The following GZMA variants were observed in gnomAD, a reference collection of about 807,000 sequenced individuals.
The protein encoded by GZMA is CTL tryptase.
In GZMA, 17 loss-of-function variants were observed where a neutral mutation model predicts 21.1. That is an observed-to-expected ratio of 0.81 (90% CI 0.55 to 1.21). The LOEUF (loss-of-function observed/expected upper bound fraction) is 1.21, where lower values mean the gene tolerates loss of function less well. Ranked by LOEUF, GZMA falls within the 50% of genes most tolerant of loss-of-function variation. The pLI, the probability that GZMA is intolerant of heterozygous loss-of-function variation, is 0.00. For synonymous variants in GZMA, 90 were observed against 107.8 expected, an observed-to-expected ratio of 0.83 and a Z score of 1.03; for missense variants, 306 against 315.9, an observed-to-expected ratio of 0.97 and a Z score of 0.24.
intron 2 of GZMA, 80 bp downstream of exon 2, chr5:55,105,698 C>T: frequency 7.9e-7 from 1 of 1,269,414 alleles, no homozygotes. Flanking sequence ...GTAGGCCGGG[C>T]ACAGTGGCTT....
chr5:55,106,472 G>A (rs1742420705), intron 2 of GZMA, among the ~76,000 whole-genome samples: 1 of 152,148 alleles, frequency 6.6e-6, no homozygotes, highest in Non-Finnish European at 1.5e-5. Context: ...ATCAGGCAAT[G>A]AGGAAGCAGC....
chr5:55,104,217 C>T (rs1742348521), intron 1 of GZMA, among the ~76,000 whole-genome samples: 1 of 152,198 alleles, frequency 6.6e-6, no homozygotes, highest in Admixed American at 6.5e-5. Context: ...TGCTGTGCTC[C>T]TCTTTGTTTC....
At chr5:55,103,007 T>G (rs1353158724) in intron 1 of GZMA, among the ~76,000 whole-genome samples, 1 of 151,720 alleles carries the variant, frequency 6.6e-6, no homozygotes, top group Admixed American at 6.6e-5. Context: ...ATTTTTTTTT[T>G]TTAAATAGCA....
chr5:55,108,389 T>C lies in GZMA; in HGVS notation c.622T>C (p.Cys208Arg). ...AAGCCTCCGAGGTGGAAGAGACTCGTGCAATGTAAGTAAAATAAGATCCCA... is the reference window on the plus strand; with the variant it reads ...AAGCCTCCGAGGTGGAAGAGACTCGCGCAATGTAAGTAAAATAAGATCCCA... Reference protein sequence around the residue: ...AGSLRGGRDSCNGDSGSPLLC... With the variant: ...AGSLRGGRDSRNGDSGSPLLC... The change falls in exon 4 of 5, where the codon TGC becomes CGC. Residue 208 changes from cysteine (C) to arginine (R), a missense_variant. Cys to Arg is a radical substitution (Grantham distance 180). Coordinates refer to ENST00000274306, the MANE Select transcript of GZMA (RefSeq NM_006144.4). 1 of 1,608,876 alleles carries C rather than the reference T, an allele frequency of 6.2e-7. No individual in the cohort carries two copies. The highest frequency in any genetic ancestry group is 1.7e-4 in the Middle Eastern group (1 of 6,034).
rs150441571 is a variant in GZMA at position 55,107,909 on chromosome 5, C to A, written c.331C>A (p.Arg111Ser). ...CTATCCATGCTATGACCCAGCCACA[C>A]GCGAAGGTGACCTTAAACTTTTACA... The part of the protein sequence containing the change: ...FPYPCYDPAT[R>S]EGDLKLLQLM... Residue 111 changes from arginine to serine, a missense_variant, in exon 3 of 5, where the codon CGC (arginine) becomes AGC (serine). By Grantham distance (110) the Arg-to-Ser change is moderately radical. Transcript: ENST00000274306. 1.2e-6 allele frequency: 2 copies of A among 1,612,942 alleles called. No individual in the cohort carries two copies. The highest frequency in any genetic ancestry group is 1.1e-5 in the South Asian group (1 of 91,062).
intron 2 of GZMA, among the ~76,000 whole-genome samples, chr5:55,106,391 T>C (rs1742418210): frequency 6.6e-6 from 1 of 151,830 alleles, no homozygotes; most frequent in Non-Finnish European, 1.5e-5. Flanking sequence ...CATATGTATC[T>C]TCACATCGCT....
intron 4 of GZMA, 146 bp downstream of exon 4, chr5:55,108,540 A>G (rs1742453353): frequency 1.9e-5 from 12 of 626,858 alleles, no homozygotes; most frequent in Non-Finnish European, 3.2e-5. Flanking sequence ...ACCCCAGTCA[A>G]ATAAATGAAT....
intron 1 of GZMA, among the ~76,000 whole-genome samples, chr5:55,104,205 C>A (rs1561278975): frequency 6.6e-6 from 1 of 152,116 alleles, no homozygotes; most frequent in Admixed American, 6.6e-5. Context: ...ACAAAAGCAA[C>A]CTGCTGTGCT....
chr5:55,105,400 T>C, intron 1 of GZMA, 74 bp from the exon 2 acceptor site: 1 of 1,326,602 alleles, frequency 7.5e-7, no homozygotes, highest in Non-Finnish European at 1.0e-6. Context: ...GCATGGCTGG[T>C]CTTAGAAACA....
intron 2 of GZMA, 138 bp downstream of exon 2, chr5:55,105,756 T>C: frequency 1.4e-6 from 1 of 703,312 alleles, no homozygotes; most frequent in South Asian, 1.6e-5. Context: ...GTGGATCACA[T>C]GAGGTCAGGA....
Position 55,108,231 on chromosome 5 carries a change from G to A in GZMA, c.464G>A (p.Arg155Lys). ...GTMCQVAGWG[R>K]THNSASWSDT... ...ATGTGCCAAGTTGCAGGGTGGGGCAGGACTCACAATAGTGCATCTTGGTCC... is the reference window on the plus strand; with the variant it reads ...ATGTGCCAAGTTGCAGGGTGGGGCAAGACTCACAATAGTGCATCTTGGTCC... The change falls in exon 4 of 5, where the codon AGG becomes AAG. Residue 155 changes from arginine (R) to lysine (K), a missense_variant. Coordinates refer to ENST00000274306, the MANE Select transcript of GZMA (RefSeq NM_006144.4). 6.2e-7 allele frequency: 1 copy of A among 1,613,788 alleles called. No individual in the cohort carries two copies. The highest frequency in any genetic ancestry group is 8.5e-7 in the Non-Finnish European group (1 of 1,179,768).
rs57267991 is a variant in GZMA at position 55,104,004 on chromosome 5, CA to C, written c.70+1262del. Among the ~76,000 whole-genome samples, 916 of 125,680 alleles carry C rather than the reference CA, an allele frequency of 7.3e-3. 10 individuals are homozygous for C. Among genetic ancestry groups the C allele is most frequent in the African/African-American group, 0.026 (861 of 33,726 alleles). The allele number at this position is 125,680 out of a possible 152,430, so 82.5% of individuals were successfully genotyped here. A position where few individuals can be genotyped will look rare whatever the true frequency, so the allele number is the denominator to read the frequency against. The stretch of plus-strand genomic sequence containing the variant: ...CTGGTGACAGAGCGAGACTCTGTCT[CA>C]AAAAAAAAACAAAAAAGAGAGAGAG... On this transcript the variant is annotated intron_variant, in intron 1 of 4. Coordinates refer to ENST00000274306, the MANE Select transcript of GZMA (RefSeq NM_006144.4).
chr5:55,108,103 C>T lies in GZMA; in HGVS notation c.358-22C>T, dbSNP rs1454100435. ...AAATATTTATCTTATCCCATTAACA[C>T]TTTATGTTTTTCTTCCAACAGCTGA... On this transcript the variant is annotated intron_variant, in intron 3 of 4. Coordinates refer to ENST00000274306, the MANE Select transcript of GZMA (RefSeq NM_006144.4). 5.2e-6 allele frequency: 8 copies of T among 1,549,090 alleles called. No individual in the cohort carries two copies. The African/African-American group carries it at 6.8e-5, about 13-fold the overall frequency.
At chr5:55,103,378 G>A (rs761016678) in intron 1 of GZMA, among the ~76,000 whole-genome samples, 9 of 152,320 alleles carry the variant, frequency 5.9e-5, no homozygotes, top group Middle Eastern at 3.4e-3. Flanking sequence ...AAATTAAGGC[G>A]TGAGGCCAGT....
intron 3 of GZMA, 47 bp downstream of exon 3, chr5:55,107,982 A>G (rs543098587): frequency 3.2e-6 from 5 of 1,559,874 alleles, no homozygotes; most frequent in East Asian, 2.2e-5. Flanking sequence ...ACCTTCTACA[A>G]TCTGGCCGCC....
chr5:55,106,133 TAA>T (rs57242387), intron 2 of GZMA, among the ~76,000 whole-genome samples: 1 of 1,026 alleles, frequency 9.7e-4, no homozygotes, highest in African/African-American at 3.4e-3. Context: ...TAAAATAAAA[TAA>T]ATAAAATAAA....
intron 2 of GZMA, among the ~76,000 whole-genome samples, chr5:55,107,062 C>T (rs3111196): frequency 0.97 from 148,251 of 152,306 alleles, 72,182 homozygotes; most frequent in East Asian, 1. Context: ...ATACATGTGA[C>T]CATTTAAGTG....
In GZMA at chr5:55,107,872, G is replaced by C. The variant is rs1188761422; in HGVS notation, c.294G>C (p.Lys98Asn). 1.9e-6 allele frequency: 3 copies of C among 1,613,144 alleles called. No individual in the cohort carries two copies. The highest frequency in any genetic ancestry group is 1.7e-5 in the Admixed American group (1 of 60,016). Residue 98 changes from lysine to asparagine, a missense_variant, in exon 3 of 5, where the codon AAG becomes AAC. Physicochemically the swap from Lys to Asn is moderately conservative, Grantham distance 94. Transcript: ENST00000274306. ...EEPTKQIMLV[K>N]KEFPYPCYDP... is the part of the protein sequence containing the mutation. ...CAACAAAACAGATAATGCTTGTTAA[G>C]AAAGAGTTTCCCTATCCATGCTATG... is the stretch of plus-strand genomic sequence containing the variant.
Position 55,110,048 on chromosome 5 carries a change from G to A in GZMA, c.655G>A (p.Glu219Lys), listed in dbSNP as rs141571360. The change falls in exon 5 of 5, where the codon GAG (glutamate) becomes AAG (lysine). Residue 219 changes from glutamate to lysine, a missense_variant. Coordinates refer to ENST00000274306, the MANE Select transcript of GZMA (RefSeq NM_006144.4). Reference sequence around the variant, plus strand: ...AGATTCTGGAAGCCCTTTGTTGTGCGAGGGTGTTTTCCGAGGGGTCACTTC... The same window carrying A: ...AGATTCTGGAAGCCCTTTGTTGTGCAAGGGTGTTTTCCGAGGGGTCACTTC... ...NGDSGSPLLC[E>K]GVFRGVTSFG... is the part of the protein sequence containing the mutation. 3.4e-5 allele frequency: 54 copies of A among 1,611,406 alleles called. No individual in the cohort carries two copies. The highest frequency in any genetic ancestry group is 4.0e-5 in the African/African-American group (3 of 74,706).
Sources: allele counts gnomAD v4.1 joint callset (sites outside exome capture counted in the v4.1 genomes callset), GRCh38; gene constraint gnomAD v4.1.1; transcripts MANE v1.5; gene names NCBI Gene and HGNC (gene_info 2026-07-23, HGNC 2026-07-21).